NFATC2: variants seen among roughly 807,000 people sequenced by gnomAD.
NFATC2 encodes nuclear factor of activated T cells 2.
In NFATC2, 22 loss-of-function variants were observed where a neutral mutation model predicts 87.3. That is an observed-to-expected ratio of 0.25 (90% CI 0.18 to 0.36). The LOEUF (loss-of-function observed/expected upper bound fraction) is 0.36, where lower values mean the gene tolerates loss of function less well. NFATC2 is among the 10% of genes least tolerant of loss of function. The probability of loss-of-function intolerance (pLI) is 1.00; values close to 1 mark genes in which losing one functional copy is unlikely to be tolerated. For missense variants in NFATC2, 1,149 were observed against 1,259.1 expected (o/e 0.91, Z 1.32); for synonymous variants, 565 against 542.2 (o/e 1.04, Z -0.58).
intron 3 of NFATC2, among the ~76,000 whole-genome samples, chr20:51,484,253 C>T (rs922783397): frequency 6.6e-6 from 1 of 152,120 alleles, no homozygotes; most frequent in African/African-American, 2.4e-5. Context: ...GCTCACCCCA[C>T]TCTTCATTGG....
intron 9 of NFATC2, among the ~76,000 whole-genome samples, chr20:51,427,181 T>C (rs534499118): frequency 3.7e-4 from 57 of 152,246 alleles, no homozygotes; most frequent in African/African-American, 1.3e-3. Flanking sequence ...GCTCTCTACT[T>C]CAAAACCTGT....
chr20:51,445,991 A>C (rs554032161), intron 6 of NFATC2, among the ~76,000 whole-genome samples: 17 of 152,302 alleles, frequency 1.1e-4, no homozygotes, highest in African/African-American at 4.1e-4. Flanking sequence ...CACATTTCAG[A>C]CAGCCAGCTA....
At chr20:51,479,425 G>A (rs1166088742) in intron 3 of NFATC2, among the ~76,000 whole-genome samples, 3 of 151,994 alleles carry the variant, frequency 2.0e-5, no homozygotes, top group Non-Finnish European at 1.5e-5. Flanking sequence ...CAAGACAAGC[G>A]TGGACAACAT....
intron 3 of NFATC2, among the ~76,000 whole-genome samples, chr20:51,506,733 T>G (rs2076188743): frequency 8.8e-6 from 1 of 113,616 alleles, no homozygotes; most frequent in Non-Finnish European, 1.8e-5. Flanking sequence ...GCGGACGGGT[T>G]GCAGCGAGAT....
At chr20:51,554,830 C>T (rs147317695) in intron 1 of NFATC2, among the ~76,000 whole-genome samples, 202 of 152,248 alleles carry the variant, frequency 1.3e-3, no homozygotes, top group African/African-American at 4.5e-3. Flanking sequence ...AGATGAAACC[C>T]AGAAAAGTCT....
chr20:51,475,850 C>A (rs1422868246), intron 3 of NFATC2, among the ~76,000 whole-genome samples, 190 bp from the exon 4 acceptor site: 2 of 152,118 alleles, frequency 1.3e-5, no homozygotes, highest in Non-Finnish European at 2.9e-5. Context: ...TTACAGGGAT[C>A]CCCTCTAATG....
chr20:51,472,405 C>T (rs559934848), intron 5 of NFATC2, among the ~76,000 whole-genome samples: 4 of 152,192 alleles, frequency 2.6e-5, no homozygotes, highest in African/African-American at 9.6e-5. Flanking sequence ...ACCCAACCTA[C>T]CCCATTCATT....
chr20:51,491,358 AT>A (rs1400611792), intron 3 of NFATC2, among the ~76,000 whole-genome samples: 1 of 152,020 alleles, frequency 6.6e-6, no homozygotes, highest in Non-Finnish European at 1.5e-5. Context: ...AAAAAGTGGC[AT>A]TCGTTCAGGT....
At chr20:51,405,424 C>T (rs1988461819) in intron 9 of NFATC2, among the ~76,000 whole-genome samples, 1 of 84,508 alleles carries the variant, frequency 1.2e-5, no homozygotes, top group African/African-American at 3.6e-5. Flanking sequence ...GGCGCCATGA[C>T]CTCACACGTG....
At chr20:51,506,642 C>T (rs1208784816) in intron 3 of NFATC2, among the ~76,000 whole-genome samples, 2 of 152,164 alleles carry the variant, frequency 1.3e-5, no homozygotes, top group African/African-American at 4.8e-5. Context: ...GGCCTCCACA[C>T]CCACTAAACC....
intron 3 of NFATC2, among the ~76,000 whole-genome samples, chr20:51,496,175 G>T (rs575530345): frequency 6.6e-6 from 1 of 152,136 alleles, no homozygotes; most frequent in East Asian, 1.9e-4. Flanking sequence ...GGATCGAAGC[G>T]CAGCTGTTCA....
intron 10 of NFATC2, among the ~76,000 whole-genome samples, chr20:51,394,791 A>G (rs1469575875): frequency 7.0e-6 from 1 of 143,168 alleles, no homozygotes; most frequent in Non-Finnish European, 1.5e-5. Context: ...TTATTCCTCC[A>G]ATAATCTACC....
At chr20:51,503,822 C>T (rs1008626177) in intron 3 of NFATC2, among the ~76,000 whole-genome samples, 1 of 152,170 alleles carries the variant, frequency 6.6e-6, no homozygotes, top group African/African-American at 2.4e-5. Flanking sequence ...AACAATCTCA[C>T]TTGATGCTTG....
chr20:51,470,120 A>G (rs1988064994), intron 5 of NFATC2, among the ~76,000 whole-genome samples: 1 of 152,120 alleles, frequency 6.6e-6, no homozygotes, highest in Non-Finnish European at 1.5e-5. Flanking sequence ...GCTGCTGTCT[A>G]TCATGGGTAG....
intron 5 of NFATC2, among the ~76,000 whole-genome samples, chr20:51,465,147 G>A (rs1490669091): frequency 6.6e-6 from 1 of 152,142 alleles, no homozygotes; most frequent in African/African-American, 2.4e-5. Flanking sequence ...CAGCACTTTG[G>A]GAGGCCAAGG....
chr20:51,392,640 G>A lies in NFATC2; in HGVS notation c.*45-1189C>T, dbSNP rs1024727024. ...CATGAGGCTGTAGACCCCTTTGGGA[G>A]TCCCATCAAAGGCAGGTTCATTTCC... On this transcript the variant is annotated intron_variant, in intron 10 of 10. Coordinates refer to ENST00000371564, the MANE Select transcript of NFATC2 (RefSeq NM_012340.5). Among the ~76,000 whole-genome samples the A allele has an allele frequency of 4.6e-5, 7 of 152,332 alleles. No homozygotes were observed. In the Middle Eastern group the frequency reaches 0.01, roughly 222 times the overall value.
At chr20:51,496,197 G>A (rs2075985970) in intron 3 of NFATC2, among the ~76,000 whole-genome samples, 1 of 152,114 alleles carries the variant, frequency 6.6e-6, no homozygotes, top group Non-Finnish European at 1.5e-5. Flanking sequence ...AACTTGCCAT[G>A]CAGGAAGCCA....
At chr20:51,477,535 CTATA>C (rs11467129) in intron 3 of NFATC2, among the ~76,000 whole-genome samples, 5,458 of 72,102 alleles carry the variant, frequency 0.076, 151 homozygotes, top group East Asian at 0.093. Context: ...GTGTGTGTGT[CTATA>C]TATATATATA....
intron 9 of NFATC2, among the ~76,000 whole-genome samples, chr20:51,406,943 CCACT>C (rs1978402593): frequency 6.6e-6 from 1 of 152,210 alleles, no homozygotes; most frequent in South Asian, 2.1e-4. Flanking sequence ...CAGCACCCAC[CCACT>C]GTCAGGACCC....
Sources: allele counts gnomAD v4.1 joint callset (sites outside exome capture counted in the v4.1 genomes callset), GRCh38; gene constraint gnomAD v4.1.1; transcripts MANE v1.5; gene names NCBI Gene and HGNC (gene_info 2026-07-23, HGNC 2026-07-21).